The following RORA variants were observed in gnomAD, a reference collection of about 807,000 sequenced individuals.
The protein encoded by RORA is RAR related orphan receptor A, also known as nuclear receptor ROR-alpha.
RORA carries 7 observed loss-of-function variants against 69.5 expected under a neutral mutation model. That is an observed-to-expected ratio of 0.10 (90% CI 0.06 to 0.19). The LOEUF is 0.19. Ranked by LOEUF, RORA falls within the 10% of genes least tolerant of loss-of-function variation. The pLI is 1.00. For synonymous variants in RORA, 261 were observed against 240.8 expected (o/e 1.08, Z -0.78); for missense variants, 457 against 663.0 (o/e 0.69, Z 3.41).
intron 1 of RORA, among the ~76,000 whole-genome samples, chr15:61,118,253 C>G (rs1018666290): frequency 3.1e-4 from 47 of 152,186 alleles, no homozygotes; most frequent in African/African-American, 1.0e-3. Context: ...GATTCCTCAA[C>G]TGAGCCTTCA....
chr15:61,001,202 G>A (rs970334160), intron 1 of RORA, among the ~76,000 whole-genome samples: 2 of 152,148 alleles, frequency 1.3e-5, no homozygotes, highest in Admixed American at 6.5e-5. Flanking sequence ...AAACACAATA[G>A]TTACCAATCC....
At chr15:60,787,391 C>T (rs1213682192) in intron 1 of RORA, among the ~76,000 whole-genome samples, 1 of 152,244 alleles carries the variant, frequency 6.6e-6, no homozygotes, top group Non-Finnish European at 1.5e-5. Flanking sequence ...TGTGGCATTT[C>T]TTCACAACAT....
chr15:60,845,882 G>A (rs1314910659), intron 1 of RORA, among the ~76,000 whole-genome samples: 6 of 152,138 alleles, frequency 3.9e-5, no homozygotes, highest in Admixed American at 3.9e-4. Flanking sequence ...GAGTAGCAGG[G>A]ACTACAGGTG....
At chr15:60,643,020 G>C (rs73424102) in intron 2 of RORA, among the ~76,000 whole-genome samples, 1 of 151,966 alleles carries the variant, frequency 6.6e-6, no homozygotes, top group Non-Finnish European at 1.5e-5. Flanking sequence ...AGTTGGGCCT[G>C]GTGAAGTGCA....
intron 1 of RORA, among the ~76,000 whole-genome samples, chr15:60,736,579 G>T (rs2140843666): frequency 6.6e-6 from 1 of 152,238 alleles, no homozygotes; most frequent in Non-Finnish European, 1.5e-5. Context: ...GAAGTGCATT[G>T]GAGGTATGGT....
intron 1 of RORA, among the ~76,000 whole-genome samples, chr15:61,218,464 A>C (rs186972530): frequency 3.0e-4 from 45 of 152,288 alleles, no homozygotes; most frequent in Non-Finnish European, 5.7e-4. Flanking sequence ...AAAGGATCCC[A>C]AGTTTCACAA....
chr15:60,882,307 G>T (rs971241934), intron 1 of RORA, among the ~76,000 whole-genome samples: 1 of 152,220 alleles, frequency 6.6e-6, no homozygotes, highest in Non-Finnish European at 1.5e-5. Flanking sequence ...CGACAACTAG[G>T]AGGGGAGTAT....
intron 1 of RORA, among the ~76,000 whole-genome samples, chr15:60,864,879 A>T (rs1301400443): frequency 6.6e-6 from 1 of 152,212 alleles, no homozygotes; most frequent in African/African-American, 2.4e-5. Flanking sequence ...TTCCAAAGTC[A>T]CAGAGCACCA....
chr15:60,685,611 CT>C (rs2070733268), intron 1 of RORA, among the ~76,000 whole-genome samples: 1 of 152,190 alleles, frequency 6.6e-6, no homozygotes, highest in South Asian at 2.1e-4. Flanking sequence ...AAACAATGTC[CT>C]TGTCTAGGAC....
At chr15:60,851,566 T>C (rs1252288410) in intron 1 of RORA, among the ~76,000 whole-genome samples, 1 of 152,178 alleles carries the variant, frequency 6.6e-6, no homozygotes, top group Non-Finnish European at 1.5e-5. Context: ...CTGAGTTTGC[T>C]GAAAATAAAA....
chr15:60,641,171 C>T (rs757130490), intron 2 of RORA, among the ~76,000 whole-genome samples: 2 of 152,074 alleles, frequency 1.3e-5, no homozygotes, highest in Non-Finnish European at 2.9e-5. Context: ...AGGATGGTCT[C>T]GAACTCCTGG....
At chr15:60,893,886 A>T (rs543757730) in intron 1 of RORA, among the ~76,000 whole-genome samples, 3 of 152,332 alleles carry the variant, frequency 2.0e-5, no homozygotes, top group East Asian at 1.9e-4. Flanking sequence ...GACCTGCCCA[A>T]GGTTATGTAA....
intron 1 of RORA, among the ~76,000 whole-genome samples, chr15:61,053,355 A>T (rs2078041420): frequency 6.6e-6 from 1 of 151,810 alleles, no homozygotes; most frequent in African/African-American, 2.4e-5. Flanking sequence ...ACTCACACTG[A>T]CAAAAAGGAC....
rs186862150 is a variant in RORA at position 61,181,321 on chromosome 15, C to G, written c.166+47732G>C. On this transcript the variant is annotated intron_variant, in intron 1 of 10. Coordinates refer to ENST00000335670, the MANE Select transcript of RORA (RefSeq NM_134261.3). ...ACCATTAAACAGCCACTAAAGAGAGCCCTTTCCTAAAAACATTATCTCCTG... is the reference window on the plus strand; with the variant it reads ...ACCATTAAACAGCCACTAAAGAGAGGCCTTTCCTAAAAACATTATCTCCTG... 3 of 152,214 alleles carry G rather than the reference C, an allele frequency of 2.0e-5. No homozygotes were observed. The East Asian group carries it at 5.8e-4, about 29-fold the overall frequency. The allele number at this position is 152,214 out of a possible 1,614,324, so 9.4% of individuals were successfully genotyped here. A position where few individuals can be genotyped will look rare whatever the true frequency, so the allele number is the denominator to read the frequency against.
chr15:60,871,924 T>C (rs1176179887), intron 1 of RORA, among the ~76,000 whole-genome samples: 1 of 152,230 alleles, frequency 6.6e-6, no homozygotes, highest in East Asian at 1.9e-4. Flanking sequence ...TTATGTAAGA[T>C]GTTAACGTTG....
intron 2 of RORA, among the ~76,000 whole-genome samples, chr15:60,549,178 G>A (rs1470388177): frequency 6.6e-6 from 1 of 152,192 alleles, no homozygotes; most frequent in Non-Finnish European, 1.5e-5. Flanking sequence ...AGCATGTTGT[G>A]TTGGATGGAG....
chr15:60,655,251 CTCTT>C (rs1461280053), intron 2 of RORA, among the ~76,000 whole-genome samples: 2 of 152,086 alleles, frequency 1.3e-5, no homozygotes, highest in African/African-American at 2.4e-5. Flanking sequence ...AAAAAATTCT[CTCTT>C]TCTTAGGATG....
At chr15:60,631,946 T>G (rs2069746309) in intron 2 of RORA, among the ~76,000 whole-genome samples, 1 of 152,232 alleles carries the variant, frequency 6.6e-6, no homozygotes, top group Non-Finnish European at 1.5e-5. Flanking sequence ...CTCGCTTTAC[T>G]CTTCTCCGGG....
chr15:61,034,997 T>C (rs1896381741), intron 1 of RORA, among the ~76,000 whole-genome samples: 1 of 152,146 alleles, frequency 6.6e-6, no homozygotes, highest in South Asian at 2.1e-4. Context: ...TAAAAAACAA[T>C]GGAAAATATT....
Sources: gnomAD v4.1 joint callset for allele counts (sites outside exome capture counted in the v4.1 genomes callset) on GRCh38, gnomAD v4.1.1 for gene constraint, MANE v1.5 for transcripts, NCBI Gene and HGNC (gene_info 2026-07-23, HGNC 2026-07-21) for gene names.